Variants in FSCN2 observed in about 807,000 individuals in gnomAD.
The protein encoded by FSCN2 is fascin actin-bundling protein 2, retinal.
Under a neutral mutation model 37.8 loss-of-function variants are expected in FSCN2, and 46 were observed. That is an observed-to-expected ratio of 1.22 (90% CI 0.96 to 1.56). FSCN2 has a LOEUF of 1.56. FSCN2 is among the 40% of genes most tolerant of loss of function. FSCN2 has a pLI of 0.00. For synonymous variants in FSCN2, 351 were observed against 309.4 expected, an observed-to-expected ratio of 1.13 and a Z score of -1.41; for missense variants, 844 against 730.4, an observed-to-expected ratio of 1.16 and a Z score of -1.79.
At chr17:81,524,442 G>C (rs1027965226), upstream of FSCN2, among the ~76,000 whole-genome samples, 1 of 152,220 alleles carries the variant, frequency 6.6e-6, no homozygotes, top group Non-Finnish European at 1.5e-5. Flanking sequence ...CACACACTGG[G>C]CAGGGGCTTC....
chr17:81,529,275 G>T lies in FSCN2; in HGVS notation c.744G>T (p.Lys248Asn). 1 of 1,590,408 alleles carries T rather than the reference G, an allele frequency of 6.3e-7. No individual in the cohort carries two copies. The highest frequency in any genetic ancestry group is 8.6e-7 in the Non-Finnish European group (1 of 1,166,246). ...CCGGCCGAAACACGCGACCTGGCAA[G>T]GATGAGCTCTTTGATCTGGAGGAGA... ...LKAGRNTRPGKDELFDLEESH... is the reference protein window; with the variant it reads ...LKAGRNTRPGNDELFDLEESH... Residue 248 changes from lysine to asparagine, a missense_variant, in exon 1 of 5, where the codon AAG becomes AAT. Coordinates refer to ENST00000417245, the MANE Select transcript of FSCN2 (RefSeq NM_012418.4).
chr17:81,521,825 C>G, the FSCN2 span, among the ~76,000 whole-genome samples: 1 of 152,192 alleles, frequency 6.6e-6, no homozygotes, highest in Admixed American at 6.5e-5. Context: ...ATGTTTTCTT[C>G]TATAACCACA....
chr17:81,534,515 G>A (rs528333255), intron 1 of FSCN2, among the ~76,000 whole-genome samples: 2 of 152,002 alleles, frequency 1.3e-5, no homozygotes, highest in Non-Finnish European at 2.9e-5. Context: ...AGGAACCCCA[G>A]ATGGAGCCCG....
At chr17:81,528,024 T>G (rs999001561), upstream of FSCN2, among the ~76,000 whole-genome samples, 5 of 151,140 alleles carry the variant, frequency 3.3e-5, no homozygotes, top group East Asian at 7.8e-4. Context: ...GGCCGAGCCG[T>G]GAGCGTTCCA....
rs376138127 is a variant in FSCN2 at position 81,528,669 on chromosome 17, G to T, written c.138G>T (p.Trp46Cys). 107 of 1,602,038 alleles carry T rather than the reference G, an allele frequency of 6.7e-5. No homozygotes were observed. Among genetic ancestry groups the T allele is most frequent in the Non-Finnish European group, 8.4e-5 (99 of 1,175,192 alleles). The change falls in exon 1 of 5, where the codon TGG (tryptophan) becomes TGT (cysteine). Residue 46 changes from tryptophan to cysteine, a missense_variant. Trp to Cys is a radical substitution (Grantham distance 215). Coordinates refer to ENST00000417245, the MANE Select transcript of FSCN2 (RefSeq NM_012418.4). ...SAPSLKRKQT[W>C]VLEPDPGQGT... ...CCAGCCTCAAGAGGAAGCAGACCTG[G>T]GTGCTGGAACCCGACCCAGGACAAG...
rs782273410 is a variant in FSCN2 at position 81,530,178 on chromosome 17, G to A, written c.826+821G>A. 4 of 283,688 alleles carry A rather than the reference G, an allele frequency of 1.4e-5. No homozygotes were observed. In the East Asian group the frequency reaches 4.3e-4, roughly 30 times the overall value. 17.6% of individuals were successfully genotyped at this position (283,688 alleles called of 1,614,324 possible). A position where few individuals can be genotyped will look rare whatever the true frequency, so the allele number is the denominator to read the frequency against. On this transcript the variant is annotated intron_variant, in intron 1 of 4. Transcript: ENST00000417245. ...AGGGCAGGGAGCTGGGGATCGGGCG[G>A]GGATAGCACCACCACGTGCCTGACC...
Position 81,528,539 on chromosome 17 carries a change from C to A in FSCN2, c.8C>A (p.Thr3Lys). 1.3e-6 allele frequency: 2 copies of A among 1,593,624 alleles called. No individual in the cohort carries two copies. The highest frequency in any genetic ancestry group is 1.7e-6 in the Non-Finnish European group (2 of 1,169,740). MP[T>K]NGLHQVLKIQ... ...GACCCGGCCAGCCTGAAGATGCCGA[C>A]GAACGGCCTGCACCAGGTGCTGAAG... is the stretch of plus-strand genomic sequence containing the variant. The change falls in exon 1 of 5, where the codon ACG becomes AAG. Residue 3 changes from threonine to lysine, a missense_variant. Thr to Lys is a moderately conservative substitution (Grantham distance 78). Coordinates refer to ENST00000417245, the MANE Select transcript of FSCN2 (RefSeq NM_012418.4).
the FSCN2 span, among the ~76,000 whole-genome samples, chr17:81,516,439 C>T: frequency 4.9e-3 from 739 of 152,356 alleles, 7 homozygotes; most frequent in African/African-American, 0.016. Context: ...TACTCTCAGC[C>T]CACCTCCCTC....
intron 1 of FSCN2, among the ~76,000 whole-genome samples, chr17:81,532,611 GTGA>G (rs1411837133): frequency 1.9e-4 from 26 of 134,978 alleles, no homozygotes; most frequent in Admixed American, 4.4e-4. Flanking sequence ...GATGGTGATG[GTGA>G]TGATAATGGT....
upstream of FSCN2, among the ~76,000 whole-genome samples, chr17:81,524,893 T>TCACACACACACACACA (rs138139508): frequency 0.025 from 3,051 of 122,742 alleles, 68 homozygotes; most frequent in African/African-American, 0.048. Flanking sequence ...ATGAGCACCT[T>TCACACACACACACACA]CACACACACA....
At chr17:81,531,764 G>A (rs1248341276) in intron 1 of FSCN2, among the ~76,000 whole-genome samples, 13 of 142,256 alleles carry the variant, frequency 9.1e-5, no homozygotes, top group East Asian at 4.7e-4. Flanking sequence ...TGGCGATGAT[G>A]GTGATGATAG....
At chr17:81,527,504 CTGTAGACAGG>C (rs2032385430), upstream of FSCN2, 1 of 152,464 alleles carries the variant, frequency 6.6e-6, no homozygotes, top group South Asian at 2.1e-4. Flanking sequence ...CAAGGAGGTG[CTGTAGACAGG>C]TGTGACCACT....
chr17:81,520,827 G>A, the FSCN2 span, among the ~76,000 whole-genome samples: 1 of 152,054 alleles, frequency 6.6e-6, no homozygotes, highest in African/African-American at 2.4e-5. Context: ...TACTTCCTAG[G>A]CCCTGTTCTT....
intron 1 of FSCN2, among the ~76,000 whole-genome samples, chr17:81,531,113 G>A (rs1487239439): frequency 2.0e-5 from 3 of 151,816 alleles, no homozygotes; most frequent in Non-Finnish European, 4.4e-5. Context: ...GTGGAGGTGA[G>A]GACGGTGGTG....
the FSCN2 span, among the ~76,000 whole-genome samples, chr17:81,516,484 G>C: frequency 3.3e-5 from 5 of 152,224 alleles, no homozygotes; most frequent in African/African-American, 4.8e-5. Flanking sequence ...TGAAATGCAA[G>C]GTGATGGCCC....
At chr17:81,515,659 C>T in the FSCN2 span, among the ~76,000 whole-genome samples, 2 of 152,228 alleles carry the variant, frequency 1.3e-5, no homozygotes, top group Admixed American at 6.5e-5. Context: ...CCTGTTCCTC[C>T]CTCTGCACCG....
At chr17:81,516,161 C>A in the FSCN2 span, among the ~76,000 whole-genome samples, 1 of 152,238 alleles carries the variant, frequency 6.6e-6, no homozygotes, top group African/African-American at 2.4e-5. Flanking sequence ...TCTCATCTTC[C>A]ACCACTAAAT....
intron 1 of FSCN2, among the ~76,000 whole-genome samples, chr17:81,534,549 G>A (rs932754235): frequency 6.6e-6 from 1 of 151,932 alleles, no homozygotes; most frequent in African/African-American, 2.4e-5. Context: ...CTCCCCCAGG[G>A]GTCCTGGGAG....
upstream of FSCN2, among the ~76,000 whole-genome samples, chr17:81,524,597 G>A (rs2032292870): frequency 6.6e-6 from 1 of 152,238 alleles, no homozygotes; most frequent in African/African-American, 2.4e-5. Context: ...ACCTCCGGAG[G>A]TGTGGCCACA....
Sources: gnomAD v4.1 joint callset for allele counts (sites outside exome capture counted in the v4.1 genomes callset) on GRCh38, gnomAD v4.1.1 for gene constraint, MANE v1.5 for transcripts, NCBI Gene and HGNC (gene_info 2026-07-23, HGNC 2026-07-21) for gene names.